The following ZBBX variants were observed in gnomAD, a reference collection of about 807,000 sequenced individuals.
ZBBX encodes the protein zinc finger B-box domain containing.
ZBBX carries 101 observed loss-of-function variants against 108.5 expected under a neutral mutation model. The ratio of observed to expected loss-of-function variants is 0.93; its 90% confidence interval spans 0.79 to 1.10. ZBBX has a LOEUF of 1.10. Among genes scored for constraint, ZBBX ranks in the 50% least tolerant of loss-of-function variants. ZBBX has a pLI of 0.00. For synonymous variants in ZBBX, 356 were observed against 323.4 expected (o/e 1.10, Z -1.08); for missense variants, 1,009 against 941.4 (o/e 1.07, Z -0.94).
chr3:167,379,560 A>T (rs533623895), intron 2 of ZBBX, 78 bp downstream of exon 2: 1 of 152,304 alleles, frequency 6.6e-6, no homozygotes, highest in South Asian at 2.1e-4. Flanking sequence ...TTTCAACTTT[A>T]CTATATTTTT....
At chr3:167,187,540 T>C in the ZBBX span, among the ~76,000 whole-genome samples, 8 of 152,310 alleles carry the variant, frequency 5.3e-5, no homozygotes, top group South Asian at 4.1e-4. Context: ...ACAACATATT[T>C]CTTTTTACTA....
At chr3:167,369,620 G>A (rs756254999) in intron 4 of ZBBX, among the ~76,000 whole-genome samples, 1 of 152,210 alleles carries the variant, frequency 6.6e-6, no homozygotes, top group Non-Finnish European at 1.5e-5. Context: ...GTGATAGGAT[G>A]TGAAATACAA....
At chr3:167,407,577 A>G (rs1748626059) in intron 1 of ZBBX, among the ~76,000 whole-genome samples, 1 of 152,186 alleles carries the variant, frequency 6.6e-6, no homozygotes, top group Admixed American at 6.6e-5. Context: ...GTTTTTTATT[A>G]ATACAAAATA....
At chr3:167,219,713 C>A in the ZBBX span, among the ~76,000 whole-genome samples, 1 of 151,510 alleles carries the variant, frequency 6.6e-6, no homozygotes, top group Non-Finnish European at 1.5e-5. Context: ...ACTAGAAAAG[C>A]AAGCACAAAC....
intron 20 of ZBBX, among the ~76,000 whole-genome samples, chr3:167,244,590 A>G (rs560076530): frequency 7.3e-4 from 111 of 152,336 alleles, no homozygotes; most frequent in African/African-American, 2.5e-3. Flanking sequence ...ACTTGATTTT[A>G]GGTAACAGAA....
intron 18 of ZBBX, among the ~76,000 whole-genome samples, chr3:167,294,244 C>T (rs985776386): frequency 9.2e-5 from 14 of 152,006 alleles, no homozygotes; most frequent in Non-Finnish European, 2.1e-4. Context: ...CCAAGACAAC[C>T]CTAAGCAAAA....
At chr3:167,197,531 CCTT>C in the ZBBX span, among the ~76,000 whole-genome samples, 1 of 151,724 alleles carries the variant, frequency 6.6e-6, no homozygotes, top group African/African-American at 2.4e-5. Context: ...GAGTGAGACT[CCTT>C]CTCAAAAAAA....
At chr3:167,352,827 C>T (rs968654056) in intron 8 of ZBBX, among the ~76,000 whole-genome samples, 1 of 151,312 alleles carries the variant, frequency 6.6e-6, no homozygotes, top group Non-Finnish European at 1.5e-5. Context: ...TCAACATATG[C>T]AAACCAATAA....
At chr3:167,371,887 T>C (rs1045318496) in intron 4 of ZBBX, among the ~76,000 whole-genome samples, 7 of 152,144 alleles carry the variant, frequency 4.6e-5, no homozygotes, top group African/African-American at 1.2e-4. Context: ...AAACTATTGA[T>C]CTGGATCAAA....
chr3:167,271,535 T>C (rs1726519924), intron 20 of ZBBX, among the ~76,000 whole-genome samples: 1 of 152,032 alleles, frequency 6.6e-6, no homozygotes, highest in Admixed American at 6.6e-5. Flanking sequence ...CAAAGGGAAA[T>C]GCTATCCAAA....
At chr3:167,378,858 G>A (rs768450232) in intron 2 of ZBBX, among the ~76,000 whole-genome samples, 2 of 152,068 alleles carry the variant, frequency 1.3e-5, no homozygotes, top group African/African-American at 2.4e-5. Flanking sequence ...CATCGAAACC[G>A]AGCTTCTCCT....
At chr3:167,291,155 T>A (rs1730626217) in intron 18 of ZBBX, among the ~76,000 whole-genome samples, 1 of 152,036 alleles carries the variant, frequency 6.6e-6, no homozygotes, top group African/African-American at 2.4e-5. Flanking sequence ...CCAAGAGAAC[T>A]TCCCCAACCT....
At chr3:167,300,915 C>CTT (rs59563822) in intron 17 of ZBBX, among the ~76,000 whole-genome samples, 65 of 136,528 alleles carry the variant, frequency 4.8e-4, no homozygotes, top group East Asian at 3.1e-3. Context: ...TGTGCCTGGC[C>CTT]TTTTTTTTTT....
intron 8 of ZBBX, among the ~76,000 whole-genome samples, chr3:167,353,456 C>A (rs1488934501): frequency 6.6e-6 from 1 of 151,924 alleles, no homozygotes; most frequent in East Asian, 1.9e-4. Context: ...GTTAACTAAA[C>A]ACATGGACAT....
chr3:167,340,302 AC>A (rs1375364512), intron 9 of ZBBX, among the ~76,000 whole-genome samples: 1 of 152,130 alleles, frequency 6.6e-6, no homozygotes, highest in African/African-American at 2.4e-5. Context: ...TCAAGCAGGT[AC>A]TAGTTACACC....
In ZBBX at chr3:167,359,925, T is replaced by G. The variant is rs767238931; in HGVS notation, c.377A>C (p.Lys126Thr). The G allele has an allele frequency of 1.3e-6, 2 of 1,589,064 alleles. No homozygotes were observed. The highest frequency in any genetic ancestry group is 1.7e-6 in the Non-Finnish European group (2 of 1,166,246). The change falls in exon 8 of 22, where the codon AAA (lysine) becomes ACA (threonine). Residue 126 changes from lysine (K) to threonine (T), a missense_variant. Transcript: ENST00000675490. ...YKMANSSECE[K>T]PKINGKVCGQ... is the part of the protein sequence containing the mutation. ...ACATACTTTCCCATTTATCTTGGGT[T>G]TTTCACATTCTGAAGAATTTGCCAT...
chr3:167,242,034 A>T (rs897193791), intron 21 of ZBBX, among the ~76,000 whole-genome samples: 10 of 152,148 alleles, frequency 6.6e-5, no homozygotes, highest in African/African-American at 2.4e-4. Context: ...AATGTATTTT[A>T]TGTGAGGAAA....
intron 18 of ZBBX, among the ~76,000 whole-genome samples, chr3:167,297,657 TATA>T (rs1560088660): frequency 6.6e-6 from 1 of 151,874 alleles, no homozygotes; most frequent in Non-Finnish European, 1.5e-5. Flanking sequence ...GTATCCAGAA[TATA>T]ATAAGGAACT....
In ZBBX at chr3:167,254,265, GGT is replaced by G. The variant is rs1240961797; in HGVS notation, c.2255-11624_2255-11623del. On this transcript the variant is annotated intron_variant, in intron 20 of 21. Coordinates refer to ENST00000675490, the MANE Select transcript of ZBBX (RefSeq NM_001199201.2). ...AGAACAAAAGGAGGTACAAAAGGAG[GGT>G]GTGTATGTGCATGTGTGTGCACACG... Among the ~76,000 whole-genome samples the G allele has an allele frequency of 6.6e-5, 10 of 152,160 alleles. No homozygotes were observed. In the East Asian group the frequency reaches 1.9e-3, roughly 29 times the overall value.
Sources: gnomAD v4.1 joint callset for allele counts (sites outside exome capture counted in the v4.1 genomes callset) on GRCh38, gnomAD v4.1.1 for gene constraint, MANE v1.5 for transcripts, NCBI Gene and HGNC (gene_info 2026-07-23, HGNC 2026-07-21) for gene names.